The following SEPTIN10 variants were observed in gnomAD, a reference collection of about 807,000 sequenced individuals.
SEPTIN10 encodes the protein septin-10.
Under a neutral mutation model 54.8 loss-of-function variants are expected in SEPTIN10, and 66 were observed. The observed-to-expected ratio is 1.21, with a 90% CI of 0.99 to 1.48. SEPTIN10 has a LOEUF of 1.48. Ranked by LOEUF, SEPTIN10 falls within the 40% of genes most tolerant of loss-of-function variation. The pLI is 0.00. For synonymous variants in SEPTIN10, 161 were observed against 181.0 expected, an observed-to-expected ratio of 0.89 and a Z score of 0.89; for missense variants, 620 against 545.6, an observed-to-expected ratio of 1.14 and a Z score of -1.36.
intron 1 of SEPTIN10, among the ~76,000 whole-genome samples, chr2:109,603,403 T>C (rs1477478254): frequency 6.6e-6 from 1 of 152,000 alleles, no homozygotes; most frequent in East Asian, 1.9e-4. Context: ...CCTGGCTAAT[T>C]TTTTTCTGTG....
intron 8 of SEPTIN10, among the ~76,000 whole-genome samples, chr2:109,562,974 G>T (rs1456608335): frequency 1.3e-5 from 2 of 151,546 alleles, no homozygotes. Context: ...GCAGTGGCAC[G>T]ATCTCAGCTC....
At position 109,544,869 on chromosome 2, in the gene SEPTIN10, C is replaced by T. The variant is rs60665845; in HGVS notation, c.1350-545G>A. The T allele has an allele frequency of 0.011, 9,716 of 850,384 alleles. 661 individuals are homozygous for T. The African/African-American group carries it at 0.15, about 13-fold the overall frequency. 52.7% of individuals were successfully genotyped at this position (850,384 alleles called of 1,614,324 possible). A position where few individuals can be genotyped will look rare whatever the true frequency, so the allele number is the denominator to read the frequency against. Reference sequence around the variant, plus strand: ...TATATCAATGAACAAGATAAAGATCCATGCCCTTGGAGAGCTTGCATTGAA... The same window carrying T: ...TATATCAATGAACAAGATAAAGATCTATGCCCTTGGAGAGCTTGCATTGAA... On this transcript the variant is annotated intron_variant, in intron 10 of 10. Transcript: ENST00000397712.
At chr2:109,589,118 G>A (rs933996833) in intron 2 of SEPTIN10, among the ~76,000 whole-genome samples, 2 of 152,022 alleles carry the variant, frequency 1.3e-5, no homozygotes, top group Non-Finnish European at 2.9e-5. Context: ...TTGTTTGTTT[G>A]TTTGTTGTTG....
intron 4 of SEPTIN10, among the ~76,000 whole-genome samples, chr2:109,579,809 T>C (rs1393147803): frequency 6.6e-6 from 1 of 151,850 alleles, no homozygotes; most frequent in African/African-American, 2.4e-5. Context: ...GCTAACACAA[T>C]CTTGATTTAA....
At chr2:109,612,223 G>C (rs183571313) in intron 1 of SEPTIN10, among the ~76,000 whole-genome samples, 1 of 152,058 alleles carries the variant, frequency 6.6e-6, no homozygotes, top group Non-Finnish European at 1.5e-5. Flanking sequence ...GTTACTAACT[G>C]GGTGATTCCA....
At chr2:109,555,399 T>G (rs1684121962) in intron 8 of SEPTIN10, among the ~76,000 whole-genome samples, 1 of 152,204 alleles carries the variant, frequency 6.6e-6, no homozygotes, top group South Asian at 2.1e-4. Context: ...ACCCCCATGC[T>G]GTCCTGCTCA....
chr2:109,586,645 G>A (rs1692613788), intron 2 of SEPTIN10, among the ~76,000 whole-genome samples: 1 of 152,208 alleles, frequency 6.6e-6, no homozygotes, highest in Admixed American at 6.5e-5. Flanking sequence ...TCCCAGAAGG[G>A]GGAAAATGGG....
rs777344796 is a variant in SEPTIN10, at chr2:109,565,829, T to C, written c.793A>G (p.Met265Val). ...TTGTTTCCGACTTTTACCTCATCCA[T>C]ACTTCCCACAACAGCAAACGGCAAC... is the stretch of plus-strand genomic sequence containing the variant. ...GQLPFAVVGS[M>V]DEVKVGNKMV... The change falls in exon 7 of 11, where the codon ATG (methionine) becomes GTG (valine). Residue 265 changes from methionine (M) to valine (V), a missense_variant. Met to Val is a conservative substitution (Grantham distance 21, BLOSUM62 1). Coordinates refer to ENST00000397712, the MANE Select transcript of SEPTIN10 (RefSeq NM_144710.5). 7 of 1,614,092 alleles carry C rather than the reference T, an allele frequency of 4.3e-6. 1 individual carries two copies. The highest frequency in any genetic ancestry group is 2.2e-5 in the South Asian group (2 of 91,080).
intron 1 of SEPTIN10, among the ~76,000 whole-genome samples, chr2:109,597,017 G>A (rs535013784): frequency 2.0e-4 from 31 of 152,114 alleles, no homozygotes; most frequent in African/African-American, 7.0e-4. Flanking sequence ...GATCTCGACT[G>A]ACAGCCGAGA....
intron 4 of SEPTIN10, among the ~76,000 whole-genome samples, chr2:109,583,117 GAAAAGAATTTAC>G (rs1691609571): frequency 6.6e-6 from 1 of 152,112 alleles, no homozygotes; most frequent in South Asian, 2.1e-4. Context: ...ATTGGCCTTG[GAAAAGAATTTAC>G]GATTAAGTCC....
chr2:109,600,731 G>C (rs1383471134), intron 1 of SEPTIN10, among the ~76,000 whole-genome samples: 1 of 151,932 alleles, frequency 6.6e-6, no homozygotes, highest in East Asian at 1.9e-4. Context: ...ACAGACTGAG[G>C]GCTAGTCCCC....
intron 9 of SEPTIN10, among the ~76,000 whole-genome samples, chr2:109,550,180 C>T (rs1195201394): frequency 6.6e-6 from 1 of 151,956 alleles, no homozygotes; most frequent in Admixed American, 6.5e-5. Context: ...ATCCCAGCTA[C>T]TCGGGAGGCT....
At position 109,546,256 on chromosome 2, in the gene SEPTIN10, T is replaced by C. The variant is rs1453811988; in HGVS notation, c.1162-19A>G. 2 of 1,503,176 alleles carry C rather than the reference T, an allele frequency of 1.3e-6. No individual in the cohort carries two copies. Among genetic ancestry groups the C allele is most frequent in the Admixed American group, 2.2e-5 (1 of 45,452 alleles). 93.1% of individuals were successfully genotyped at this position (1,503,176 alleles called of 1,614,324 possible). A position where few individuals can be genotyped will look rare whatever the true frequency, so the allele number is the denominator to read the frequency against. ...CCTGTAGCTGGAAACAAAAGTGCAATCCCCACTACTGACACAGCGCGGCAG... is the reference window on the plus strand; with the variant it reads ...CCTGTAGCTGGAAACAAAAGTGCAACCCCCACTACTGACACAGCGCGGCAG... On this transcript the variant is annotated intron_variant, in intron 9 of 10. Coordinates refer to ENST00000397712, the MANE Select transcript of SEPTIN10 (RefSeq NM_144710.5).
intron 1 of SEPTIN10, among the ~76,000 whole-genome samples, chr2:109,609,200 C>A (rs567134947): frequency 2.6e-5 from 4 of 152,258 alleles, no homozygotes; most frequent in Admixed American, 2.6e-4. Context: ...ACAAACAGCT[C>A]CTGGCTGCCT....
intron 4 of SEPTIN10, among the ~76,000 whole-genome samples, chr2:109,577,811 G>C (rs1047716823): frequency 1.1e-4 from 16 of 150,664 alleles, no homozygotes; most frequent in Admixed American, 3.3e-4. Flanking sequence ...TACACAGGAG[G>C]CTGAGGCTTA....
chr2:109,557,767 TAG>T (rs1684711791), intron 8 of SEPTIN10, among the ~76,000 whole-genome samples: 1 of 152,180 alleles, frequency 6.6e-6, no homozygotes, highest in Non-Finnish European at 1.5e-5. Context: ...TTTCTTATCA[TAG>T]ATTTATTAAA....
chr2:109,552,939 A>G, intron 9 of SEPTIN10, 148 bp downstream of exon 9: 3 of 881,010 alleles, frequency 3.4e-6, no homozygotes, highest in Non-Finnish European at 5.1e-6. Context: ...ATTCTAAGTC[A>G]ATATTCAAAT....
At chr2:109,568,466 G>T (rs571084630) in intron 5 of SEPTIN10, among the ~76,000 whole-genome samples, 2 of 150,958 alleles carry the variant, frequency 1.3e-5, no homozygotes, top group South Asian at 4.2e-4. Context: ...CTGCCTTCTG[G>T]GTTCAAGCGA....
At chr2:109,566,034 G>C (rs1395793552) in intron 6 of SEPTIN10, among the ~76,000 whole-genome samples, 175 bp from the exon 7 acceptor site, 1 of 152,084 alleles carries the variant, frequency 6.6e-6, no homozygotes, top group Non-Finnish European at 1.5e-5. Flanking sequence ...TGTTCTACAA[G>C]AGTCATCTTT....
Sources: allele counts gnomAD v4.1 joint callset (sites outside exome capture counted in the v4.1 genomes callset), GRCh38; gene constraint gnomAD v4.1.1; transcripts MANE v1.5; gene names NCBI Gene and HGNC (gene_info 2026-07-23, HGNC 2026-07-21).